The following GTF2F2 variants were observed in gnomAD, a reference collection of about 807,000 sequenced individuals.
GTF2F2 encodes the protein ATP-dependent helicase GTF2F2.
GTF2F2 carries 23 observed loss-of-function variants against 42.2 expected under a neutral mutation model. The ratio of observed to expected loss-of-function variants is 0.55; its 90% CI spans 0.39 to 0.77. GTF2F2 has a LOEUF of 0.77. Ranked by LOEUF, GTF2F2 falls within the 30% of genes least tolerant of loss-of-function variation. GTF2F2 has a pLI of 0.00. For missense variants in GTF2F2, 261 were observed against 287.2 expected (o/e 0.91, Z 0.66); for synonymous variants, 105 against 100.8 (o/e 1.04, Z -0.25).
chr13:45,148,001 G>C (rs1870286522), intron 2 of GTF2F2, among the ~76,000 whole-genome samples: 1 of 152,110 alleles, frequency 6.6e-6, no homozygotes, highest in East Asian at 1.9e-4. Context: ...GATTGGACGT[G>C]TCTATTTTCA....
At chr13:45,195,599 G>T (rs894931335) in intron 4 of GTF2F2, among the ~76,000 whole-genome samples, 3 of 152,104 alleles carry the variant, frequency 2.0e-5, no homozygotes, top group African/African-American at 7.2e-5. Flanking sequence ...TTTTCAACTT[G>T]GGAGCTGGAA....
chr13:45,207,455 A>G lies in GTF2F2; in HGVS notation c.336A>G (p.Gln112=). ...DKLSLEGIVV[Q]RAECRPAASE... ...TGTCATTGGAAGGAATAGTGGTACAAAGAGCTGAATGCCGACCAGCTGCCA... is the reference window on the plus strand; with the variant it reads ...TGTCATTGGAAGGAATAGTGGTACAGAGAGCTGAATGCCGACCAGCTGCCA... Residue 112 remains glutamine, a synonymous_variant, in exon 5 of 8, where the codon CAA becomes CAG. Transcript: ENST00000340473. 6.2e-7 allele frequency: 1 copy of G among 1,611,664 alleles called. No homozygotes were observed.
At chr13:45,146,894 T>C (rs1870220512) in intron 2 of GTF2F2, among the ~76,000 whole-genome samples, 1 of 152,242 alleles carries the variant, frequency 6.6e-6, no homozygotes, top group Non-Finnish European at 1.5e-5. Flanking sequence ...GGGTATATTA[T>C]AGTTGTAATG....
At chr13:45,142,814 T>C (rs1869996656) in intron 2 of GTF2F2, among the ~76,000 whole-genome samples, 1 of 152,130 alleles carries the variant, frequency 6.6e-6, no homozygotes, top group South Asian at 2.1e-4. Context: ...GTTAAACAAG[T>C]GTAGGATGGG....
At chr13:45,164,566 C>T (rs1490941867) in intron 4 of GTF2F2, among the ~76,000 whole-genome samples, 1 of 152,088 alleles carries the variant, frequency 6.6e-6, no homozygotes, top group Non-Finnish European at 1.5e-5. Flanking sequence ...AACCCTATCT[C>T]CACAAAAGAT....
chr13:45,249,717 A>G (rs1011185529), intron 5 of GTF2F2, among the ~76,000 whole-genome samples: 2 of 152,228 alleles, frequency 1.3e-5, no homozygotes, highest in Non-Finnish European at 2.9e-5. Context: ...ATAAGATCAA[A>G]TCGTGGAGAT....
At chr13:45,163,643 C>G (rs1447380972) in intron 4 of GTF2F2, among the ~76,000 whole-genome samples, 1 of 152,068 alleles carries the variant, frequency 6.6e-6, no homozygotes, top group Non-Finnish European at 1.5e-5. Flanking sequence ...TTTCCTTTGG[C>G]TTTTTCAAAT....
intron 1 of GTF2F2, among the ~76,000 whole-genome samples, chr13:45,121,426 A>C (rs1868626711): frequency 6.6e-6 from 1 of 152,194 alleles, no homozygotes; most frequent in African/African-American, 2.4e-5. Context: ...TGTGATCCTG[A>C]AAGTCGTTGA....
At chr13:45,224,118 A>G (rs17068872) in intron 5 of GTF2F2, among the ~76,000 whole-genome samples, 2 of 152,022 alleles carry the variant, frequency 1.3e-5, no homozygotes, top group African/African-American at 4.8e-5. Flanking sequence ...ATTATATGGC[A>G]AATGCCTTCA....
At chr13:45,136,126 T>A (rs948341670) in intron 1 of GTF2F2, among the ~76,000 whole-genome samples, 7 of 152,230 alleles carry the variant, frequency 4.6e-5, no homozygotes, top group African/African-American at 1.7e-4. Flanking sequence ...AATTGTATAG[T>A]CCCTGAGTGC....
In GTF2F2 at chr13:45,226,348, A is replaced by G. The variant is rs537463704; in HGVS notation, c.386+18843A>G. Among the ~76,000 whole-genome samples the G allele has an allele frequency of 1.6e-4, 24 of 152,272 alleles. No homozygotes were observed. The South Asian group carries it at 1.7e-3, about 11-fold the overall frequency. ...TTTTGGTAACTTTCCCCATCAGCAT[A>G]TCTTAGAGGGTGGGCCTTTTTCTCT... On this transcript the variant is annotated intron_variant, in intron 5 of 7. Coordinates refer to ENST00000340473, the MANE Select transcript of GTF2F2 (RefSeq NM_004128.3).
intron 4 of GTF2F2, among the ~76,000 whole-genome samples, chr13:45,169,847 T>C (rs976504699): frequency 7.2e-5 from 11 of 152,192 alleles, no homozygotes; most frequent in Non-Finnish European, 1.2e-4. Context: ...CTTTTAAATA[T>C]AGATTACTAT....
At chr13:45,223,262 TAAAAAAAAA>T (rs60690884) in intron 5 of GTF2F2, among the ~76,000 whole-genome samples, 2 of 96,306 alleles carry the variant, frequency 2.1e-5, no homozygotes, top group South Asian at 3.9e-4. Flanking sequence ...CTTGTCTCAA[TAAAAAAAAA>T]AAAAAAAAAA....
intron 5 of GTF2F2, among the ~76,000 whole-genome samples, chr13:45,246,986 C>T (rs926889051): frequency 2.0e-5 from 3 of 147,748 alleles, no homozygotes; most frequent in East Asian, 2.0e-4. Context: ...TGCAGTGAGC[C>T]GAGATAAGCG....
intron 1 of GTF2F2, among the ~76,000 whole-genome samples, chr13:45,123,759 G>C (rs1364786409): frequency 6.6e-6 from 1 of 151,450 alleles, no homozygotes; most frequent in African/African-American, 2.4e-5. Flanking sequence ...GTACTGTTCT[G>C]GCCTAATGAA....
intron 4 of GTF2F2, among the ~76,000 whole-genome samples, chr13:45,204,285 T>TTTAAGAAAG (rs1432193264): frequency 2.0e-5 from 3 of 152,230 alleles, no homozygotes; most frequent in African/African-American, 7.2e-5. Flanking sequence ...CCACAGAACG[T>TTTAAGAAAG]TTAAGAAAGT....
At chr13:45,225,064 G>A (rs981999490) in intron 5 of GTF2F2, among the ~76,000 whole-genome samples, 1 of 152,158 alleles carries the variant, frequency 6.6e-6, no homozygotes, top group East Asian at 1.9e-4. Flanking sequence ...AGATTCCATG[G>A]CCTGGCCCTC....
chr13:45,165,235 A>G (rs1424559261), intron 4 of GTF2F2, among the ~76,000 whole-genome samples: 1 of 149,390 alleles, frequency 6.7e-6, no homozygotes, highest in Non-Finnish European at 1.5e-5. Context: ...AGAATGGAAA[A>G]AACGGAGAAA....
intron 4 of GTF2F2, among the ~76,000 whole-genome samples, chr13:45,191,222 A>ATATATATATATATATATATATAT (rs1555267758): frequency 1.4e-5 from 1 of 69,982 alleles, no homozygotes; most frequent in African/African-American, 1.1e-4. Flanking sequence ...ATACAAAAAA[A>ATATATATATATATATATATATAT]AAATATATAT....
Sources: gnomAD v4.1 joint callset for allele counts (sites outside exome capture counted in the v4.1 genomes callset) on GRCh38, gnomAD v4.1.1 for gene constraint, MANE v1.5 for transcripts, NCBI Gene and HGNC (gene_info 2026-07-23, HGNC 2026-07-21) for gene names.